SIRPB2: variants seen among roughly 807,000 people sequenced by gnomAD.
SIRPB2 encodes signal-regulatory protein beta-2.
A neutral mutation model predicts 27.1 loss-of-function variants in SIRPB2; 18 were observed. That is an observed-to-expected ratio of 0.66 (90% CI 0.46 to 0.98). SIRPB2 has a LOEUF of 0.98. SIRPB2 is among the 50% of genes least tolerant of loss of function. The probability of loss-of-function intolerance (pLI) is 0.00; values close to 1 mark genes in which losing one functional copy is unlikely to be tolerated. For missense variants in SIRPB2, 420 were observed against 417.4 expected, an observed-to-expected ratio of 1.01 and a Z score of -0.06; for synonymous variants, 150 against 164.6, an observed-to-expected ratio of 0.91 and a Z score of 0.68.
chr20:1,487,785 A>G (rs1198656850), intron 1 of SIRPB2, among the ~76,000 whole-genome samples: 1 of 152,216 alleles, frequency 6.6e-6, no homozygotes, highest in Non-Finnish European at 1.5e-5. Flanking sequence ...GGTGCATGCC[A>G]TGGCTCCTAA....
chr20:1,480,198 G>T (rs1955887235), intron 1 of SIRPB2, 133 bp from the exon 2 acceptor site: 1 of 1,243,438 alleles, frequency 8.0e-7, no homozygotes, highest in African/African-American at 1.5e-5. Context: ...CATTAGACAG[G>T]GAAGGGAAAG....
chr20:1,479,998 T>C lies in SIRPB2; in HGVS notation c.153A>G (p.Ala51=). The part of the protein sequence containing the change: ...VLQPEGPMLV[A]EGETLLLRCM... ...ACCTCAGTAGAAGTGTCTCACCTTC[T>C]GCCACCAGCATGGGGCCCTCGGGCT... is the stretch of plus-strand genomic sequence containing the variant. Residue 51 remains alanine, a synonymous_variant, in exon 2 of 5, where the codon GCA becomes GCG. Coordinates refer to ENST00000359801, the MANE Select transcript of SIRPB2 (RefSeq NM_001122962.2). The C allele has an allele frequency of 1.2e-6, 2 of 1,614,184 alleles. No homozygotes were observed. Among genetic ancestry groups the C allele is most frequent in the East Asian group, 2.2e-5 (1 of 44,894 alleles).
chr20:1,482,387 C>T (rs1037351291), intron 1 of SIRPB2, among the ~76,000 whole-genome samples: 1 of 152,178 alleles, frequency 6.6e-6, no homozygotes, highest in Non-Finnish European at 1.5e-5. Flanking sequence ...CTTAACCCCT[C>T]TCCCTGAGAC....
downstream of SIRPB2, chr20:1,473,387 C>T (rs772883943): frequency 5.0e-5 from 4 of 79,272 alleles, no homozygotes; most frequent in South Asian, 5.1e-4. Context: ...CATGCACACA[C>T]GCACACACAC....
At position 1,476,325 on chromosome 20, in the gene SIRPB2, C is replaced by A. The variant is rs41275406; in HGVS notation, c.871G>T (p.Val291Leu). 3.7e-6 allele frequency: 6 copies of A among 1,612,174 alleles called. No individual in the cohort carries two copies. The highest frequency in any genetic ancestry group is 2.2e-5 in the East Asian group (1 of 44,862). ...AGCCCCAGGACCACAGGTGCGAACA[C>A]AACCAGGAGGCCTGGGAGGCACAGG... ...TEMSPTGLLV[V>L]FAPVVLGLKA... is the part of the protein sequence containing the mutation. Residue 291 changes from valine (V) to leucine (L), a missense_variant, in exon 5 of 5, where the codon GTG becomes TTG. Val to Leu is a conservative substitution (Grantham distance 32). Coordinates refer to ENST00000359801, the MANE Select transcript of SIRPB2 (RefSeq NM_001122962.2).
chr20:1,491,172 T>C, intron 1 of SIRPB2, 103 bp downstream of exon 1: 1 of 1,070,432 alleles, frequency 9.3e-7, no homozygotes, highest in East Asian at 2.9e-5. Flanking sequence ...CTTTACTCTA[T>C]CTTCATGGGG....
chr20:1,490,584 C>T (rs2090767785), intron 1 of SIRPB2, among the ~76,000 whole-genome samples: 1 of 152,162 alleles, frequency 6.6e-6, no homozygotes, highest in South Asian at 2.1e-4. Flanking sequence ...CTTTGTTATG[C>T]CAGGCACTTA....
chr20:1,489,928 G>C (rs116646538), intron 1 of SIRPB2, among the ~76,000 whole-genome samples: 1,621 of 152,124 alleles, frequency 0.011, 34 homozygotes, highest in African/African-American at 0.038. Flanking sequence ...CCAAGCATGG[G>C]GCCCTTCTAA....
intron 1 of SIRPB2, among the ~76,000 whole-genome samples, chr20:1,488,219 T>C (rs889930353): frequency 5.3e-5 from 8 of 152,170 alleles, no homozygotes; most frequent in African/African-American, 1.4e-4. Flanking sequence ...ATCCATAATA[T>C]ATAACGAACT....
In SIRPB2 at chr20:1,474,724, C is replaced by T. The variant is rs1026371937; in HGVS notation, c.*1443G>A. The T allele has an allele frequency of 9.9e-5, 15 of 152,222 alleles. No homozygotes were observed. Among genetic ancestry groups the T allele is most frequent in the African/African-American group, 3.6e-4 (15 of 41,452 alleles). The allele number at this position is 152,222 out of a possible 1,614,324, so 9.4% of individuals were successfully genotyped here. On this transcript the variant is annotated 3_prime_UTR_variant, in exon 5 of 5. Transcript: ENST00000359801. The stretch of plus-strand genomic sequence containing the variant: ...AGTAGCTGGGATTACAGGTGCACAC[C>T]ACCACGCCTGGCTAATTTTTTGTAT...
chr20:1,490,743 G>A (rs1373063278), intron 1 of SIRPB2, among the ~76,000 whole-genome samples: 1 of 152,198 alleles, frequency 6.6e-6, no homozygotes, highest in Admixed American at 6.5e-5. Context: ...CTTAAGCTGA[G>A]CCAGGGCTGG....
chr20:1,490,130 T>A (rs181077695), intron 1 of SIRPB2, among the ~76,000 whole-genome samples: 24 of 152,354 alleles, frequency 1.6e-4, no homozygotes, highest in African/African-American at 5.8e-4. Context: ...TTTCCTAGTC[T>A]AGTGCCTAAA....
chr20:1,491,377 C>T lies in SIRPB2; in HGVS notation c.-18G>A, dbSNP rs1350322025. The T allele has an allele frequency of 6.2e-7, 1 of 1,600,170 alleles. No homozygotes were observed. The highest frequency in any genetic ancestry group is 1.7e-5 in the Admixed American group (1 of 57,374). Reference sequence around the variant, plus strand: ...GAGCACATGGCATCTTCTGTGGTCCCCAAGACTTGGGGCTCCTCTGCTCTC... The same window carrying T: ...GAGCACATGGCATCTTCTGTGGTCCTCAAGACTTGGGGCTCCTCTGCTCTC... On this transcript the variant is annotated 5_prime_UTR_variant, in exon 1 of 5. Coordinates refer to ENST00000359801, the MANE Select transcript of SIRPB2 (RefSeq NM_001122962.2).
chr20:1,485,105 C>T (rs978103438), intron 1 of SIRPB2, among the ~76,000 whole-genome samples: 3 of 151,764 alleles, frequency 2.0e-5, no homozygotes, highest in Admixed American at 2.0e-4. Flanking sequence ...GGGAGAGGGG[C>T]ATGAGAGAGA....
At chr20:1,470,984 G>A (rs929261248), downstream of SIRPB2, 37 of 152,226 alleles carry the variant, frequency 2.4e-4, no homozygotes, top group African/African-American at 8.9e-4. Context: ...TTTTTTGCCT[G>A]ATGCTGTTTT....
chr20:1,479,485 C>T, intron 2 of SIRPB2: 2 of 680,518 alleles, frequency 2.9e-6, no homozygotes, highest in East Asian at 5.3e-5. Flanking sequence ...AGAAAACATG[C>T]CCCACATAGT....
At chr20:1,477,110 C>T in intron 4 of SIRPB2, 7 of 1,504,688 alleles carry the variant, frequency 4.7e-6, no homozygotes, top group Non-Finnish European at 5.3e-6. Flanking sequence ...ACAACATTTC[C>T]CACTAAACAG....
intron 3 of SIRPB2, 72 bp downstream of exon 3, chr20:1,478,194 C>A (rs182446507): frequency 1.4e-6 from 2 of 1,403,998 alleles, no homozygotes; most frequent in South Asian, 1.2e-5. Flanking sequence ...CTGGCTTGTT[C>A]GGGACATGTA....
In SIRPB2 at chr20:1,475,843, C is replaced by A; in HGVS notation, c.*324G>T. The A allele has an allele frequency of 4.1e-6, 1 of 245,500 alleles. No individual in the cohort carries two copies. The highest frequency in any genetic ancestry group is 5.1e-5 in the South Asian group (1 of 19,786). The allele number at this position is 245,500 out of a possible 1,614,324, so 15.2% of individuals were successfully genotyped here. On this transcript the variant is annotated 3_prime_UTR_variant, in exon 5 of 5. Transcript: ENST00000359801. ...AGACTCTGAGTTGGATGTTGGAGGC[C>A]AAGAAGGATGTAGCGAGGTGGGGAA...
Sources: allele counts gnomAD v4.1 joint callset (sites outside exome capture counted in the v4.1 genomes callset), GRCh38; gene constraint gnomAD v4.1.1; transcripts MANE v1.5; gene names NCBI Gene and HGNC (gene_info 2026-07-23, HGNC 2026-07-21).